TNFRSF1B: variants seen among roughly 807,000 people sequenced by gnomAD.
TNFRSF1B encodes tumor necrosis factor receptor superfamily member 1B.
A neutral mutation model predicts 44.6 loss-of-function variants in TNFRSF1B; 19 were observed. The observed-to-expected ratio is 0.43, with a 90% confidence interval of 0.30 to 0.62. TNFRSF1B has a LOEUF of 0.62. Among genes scored for constraint, TNFRSF1B ranks in the 20% least tolerant of loss-of-function variants. TNFRSF1B has a pLI of 0.16. For synonymous variants in TNFRSF1B, 252 were observed against 261.1 expected (o/e 0.97, Z 0.34); for missense variants, 541 against 619.9 (o/e 0.87, Z 1.35).
Position 12,167,134 on chromosome 1 carries a change from G to A in TNFRSF1B, c.43G>A (p.Glu15Lys). The change falls in exon 1 of 10, where the codon GAG (glutamate) becomes AAG (lysine). Residue 15 changes from glutamate to lysine, a missense_variant. Transcript: ENST00000376259. ...CTGGGCCGCGCTGGCCGTCGGACTGGAGCTCTGGGCTGCGGCGCACGCCTT... is the reference window on the plus strand; with the variant it reads ...CTGGGCCGCGCTGGCCGTCGGACTGAAGCTCTGGGCTGCGGCGCACGCCTT... ...AVWAALAVGL[E>K]LWAAAHALPA... 7.4e-7 allele frequency: 1 copy of A among 1,357,352 alleles called. No individual in the cohort carries two copies. The highest frequency in any genetic ancestry group is 9.5e-7 in the Non-Finnish European group (1 of 1,050,290). The allele number at this position is 1,357,352 out of a possible 1,614,324, so 84.1% of individuals were successfully genotyped here.
At chr1:12,174,235 T>TCTCCTTCTCCTG (rs1638598886) in intron 1 of TNFRSF1B, among the ~76,000 whole-genome samples, 1 of 145,162 alleles carries the variant, frequency 6.9e-6, no homozygotes, top group African/African-American at 2.7e-5. Context: ...TCCTTCTCCT[T>TCTCCTTCTCCTG]CTCCTTCTCC....
intron 1 of TNFRSF1B, among the ~76,000 whole-genome samples, chr1:12,183,423 T>C (rs1434922002): frequency 1.3e-5 from 2 of 149,552 alleles, no homozygotes; most frequent in African/African-American, 5.0e-5. Context: ...GGTGCAGTTT[T>C]CTTTTTTCTT....
At chr1:12,173,432 G>T (rs1480078121) in intron 1 of TNFRSF1B, among the ~76,000 whole-genome samples, 2 of 152,200 alleles carry the variant, frequency 1.3e-5, no homozygotes, top group Non-Finnish European at 2.9e-5. Context: ...GGGCCATCAA[G>T]AATTCACGGC....
chr1:12,167,260 C>T (rs1638412471), intron 1 of TNFRSF1B, 91 bp downstream of exon 1: 1 of 1,010,156 alleles, frequency 9.9e-7, no homozygotes, highest in Non-Finnish European at 1.3e-6. Flanking sequence ...CGCGCTCTCC[C>T]GGGGCGCTGT....
At chr1:12,196,540 G>T (rs916763618) in intron 8 of TNFRSF1B, among the ~76,000 whole-genome samples, 3 of 152,142 alleles carry the variant, frequency 2.0e-5, no homozygotes, top group African/African-American at 7.2e-5. Flanking sequence ...CCCAATACCC[G>T]AAGCTTACAC....
intron 8 of TNFRSF1B, among the ~76,000 whole-genome samples, chr1:12,197,908 G>A (rs1263303984): frequency 4.6e-5 from 7 of 152,084 alleles, no homozygotes. Flanking sequence ...GGCGGATCAC[G>A]AGGTCAGGAG....
Position 12,192,880 on chromosome 1 carries a change from T to A in TNFRSF1B, c.569T>A (p.Ile190Asn). Reference protein sequence around the residue: ...RPHQICNVVAIPGNASMDAVC... With the variant: ...RPHQICNVVANPGNASMDAVC... ...TCCTCCAGCTGTAACGTGGTGGCCATCCCTGGGAATGCAAGCATGGATGCA... is the reference window on the plus strand; with the variant it reads ...TCCTCCAGCTGTAACGTGGTGGCCAACCCTGGGAATGCAAGCATGGATGCA... The change falls in exon 6 of 10, where the codon ATC (isoleucine) becomes AAC (asparagine). Residue 190 changes from isoleucine to asparagine, a missense_variant. By Grantham distance (149) the Ile-to-Asn change is moderately radical (BLOSUM62 -3). Coordinates refer to ENST00000376259, the MANE Select transcript of TNFRSF1B (RefSeq NM_001066.3). 1 of 1,613,886 alleles carries A rather than the reference T, an allele frequency of 6.2e-7. No homozygotes were observed. Among genetic ancestry groups the A allele is most frequent in the Non-Finnish European group, 8.5e-7 (1 of 1,179,906 alleles).
chr1:12,199,393 G>A lies in TNFRSF1B; in HGVS notation c.901-2574G>A, dbSNP rs1361132544. Among the ~76,000 whole-genome samples the A allele has an allele frequency of 4.6e-5, 7 of 152,246 alleles. No individual in the cohort carries two copies. Among genetic ancestry groups the A allele is most frequent in the African/African-American group, 9.6e-5 (4 of 41,470 alleles). Reference sequence around the variant, plus strand: ...GGGACCCAGCCCAGGGAGGGTGTGGGGGTTCCTGGGGAAGCTGGTCTAGGC... The same window carrying A: ...GGGACCCAGCCCAGGGAGGGTGTGGAGGTTCCTGGGGAAGCTGGTCTAGGC... On this transcript the variant is annotated intron_variant, in intron 8 of 9. Transcript: ENST00000376259. The surrounding 1 kb of genome is among the most constrained non-coding windows in gnomAD (Gnocchi z 4.0).
intron 8 of TNFRSF1B, among the ~76,000 whole-genome samples, chr1:12,198,437 C>T (rs1025324776): frequency 6.6e-6 from 1 of 152,144 alleles, no homozygotes; most frequent in Non-Finnish European, 1.5e-5. Flanking sequence ...GCCACCCCAG[C>T]GCACACACTC....
chr1:12,182,858 G>C lies in TNFRSF1B; in HGVS notation c.79-5938G>C, dbSNP rs1420361259. ...GAGACAGCTCCCATCTGGGATGGAG[G>C]CTGCATGGTGGGAGGAGCTGCTGAG... On this transcript the variant is annotated intron_variant, in intron 1 of 9. Coordinates refer to ENST00000376259, the MANE Select transcript of TNFRSF1B (RefSeq NM_001066.3). 2.0e-5 allele frequency among the ~76,000 whole-genome samples: 3 copies of C among 152,362 alleles called. No homozygotes were observed. The East Asian group carries it at 5.8e-4, about 29-fold the overall frequency.
chr1:12,184,215 G>A (rs1220142102), intron 1 of TNFRSF1B, among the ~76,000 whole-genome samples: 1 of 152,232 alleles, frequency 6.6e-6, no homozygotes, highest in African/African-American at 2.4e-5. Context: ...ACCAGAGGCC[G>A]GCTCCCAGGG....
At chr1:12,175,523 C>A (rs1276003417) in intron 1 of TNFRSF1B, among the ~76,000 whole-genome samples, 5 of 152,264 alleles carry the variant, frequency 3.3e-5, no homozygotes, top group Admixed American at 3.3e-4. Context: ...CTGCTGGCCC[C>A]TCCTCTCGCT....
rs769092299 is a variant in TNFRSF1B, at chr1:12,191,074, G to A, written c.296G>A (p.Arg99His). 8.1e-6 allele frequency: 13 copies of A among 1,614,032 alleles called. No homozygotes were observed. The highest frequency in any genetic ancestry group is 9.3e-6 in the Non-Finnish European group (11 of 1,179,940). ...CCCGAGTGCTTGAGCTGTGGCTCCC[G>A]CTGTAGCTCTGGTGAGTAGGTTCAG... is the stretch of plus-strand genomic sequence containing the variant. Reference protein sequence around the residue: ...WVPECLSCGSRCSSDQVETQA... With the variant: ...WVPECLSCGSHCSSDQVETQA... Residue 99 changes from arginine to histidine, a missense_variant, in exon 3 of 10, where the codon CGC (arginine) becomes CAC (histidine). Arg to His is a conservative substitution (Grantham distance 29). Coordinates refer to ENST00000376259, the MANE Select transcript of TNFRSF1B (RefSeq NM_001066.3).
In TNFRSF1B at chr1:12,202,858, C is replaced by T. The variant is rs235224; in HGVS notation, c.1105+687C>T. Among the ~76,000 whole-genome samples the T allele has an allele frequency of 5.4e-3, 826 of 152,328 alleles. 11 individuals carry two copies. Among genetic ancestry groups the T allele is most frequent in the African/African-American group, 0.018 (765 of 41,572 alleles). ...AGAGCCAGACTCACCCCTAGGCTGT[C>T]GGGCTCCAGAGCCCTGGGATTGGAA... On this transcript the variant is annotated intron_variant, in intron 9 of 9. Coordinates refer to ENST00000376259, the MANE Select transcript of TNFRSF1B (RefSeq NM_001066.3).
chr1:12,176,971 T>TCCTGAGC (rs17880241), intron 1 of TNFRSF1B, among the ~76,000 whole-genome samples: 1 of 151,414 alleles, frequency 6.6e-6, no homozygotes, highest in African/African-American at 2.4e-5. Context: ...GCTCTGCCTG[T>TCCTGAGC]CCTGAGCCCT....
intron 5 of TNFRSF1B, 29 bp from the exon 6 acceptor site, chr1:12,192,834 C>T (rs1375126291): frequency 6.3e-7 from 1 of 1,589,064 alleles, no homozygotes; most frequent in Non-Finnish European, 8.6e-7. Flanking sequence ...TCCCCTGCTG[C>T]CTCCTGACCA....
chr1:12,192,560 G>A (rs763871288), intron 5 of TNFRSF1B, 36 bp downstream of exon 5: 43 of 1,597,508 alleles, frequency 2.7e-5, no homozygotes, highest in Non-Finnish European at 3.7e-5. Context: ...GGAGGAGCAG[G>A]GAGGGGCTGT....
chr1:12,174,494 C>T (rs914738814), intron 1 of TNFRSF1B, among the ~76,000 whole-genome samples: 6 of 152,138 alleles, frequency 3.9e-5, no homozygotes, highest in African/African-American at 9.7e-5. Flanking sequence ...GTGATCTGCC[C>T]GCCTTGGCCT....
Position 12,186,126 on chromosome 1 carries a change from C to A in TNFRSF1B, c.79-2670C>A, listed in dbSNP as rs74053354. Among the ~76,000 whole-genome samples the A allele has an allele frequency of 5.8e-3, 877 of 152,292 alleles. 12 individuals carry two copies. Among genetic ancestry groups the A allele is most frequent in the African/African-American group, 0.019 (797 of 41,550 alleles). ...GGCAGATTGCTCCATGGCAGGAAGCCCCAGCTCCTCTGGGTCGTTCCCGCT... is the reference window on the plus strand; with the variant it reads ...GGCAGATTGCTCCATGGCAGGAAGCACCAGCTCCTCTGGGTCGTTCCCGCT... On this transcript the variant is annotated intron_variant, in intron 1 of 9. Transcript: ENST00000376259. This position sits in a 1 kb window ranked among gnomAD's most constrained non-coding sequence, Gnocchi z 4.8.
Sources: gnomAD v4.1 joint callset for allele counts (sites outside exome capture counted in the v4.1 genomes callset) on GRCh38, gnomAD v4.1.1 for gene constraint, Gnocchi (gnomAD v3.1) non-coding constraint, MANE v1.5 for transcripts, NCBI Gene and HGNC (gene_info 2026-07-23, HGNC 2026-07-21) for gene names.